The following SLC14A1 variants were observed in gnomAD, a reference collection of about 807,000 sequenced individuals.
SLC14A1 encodes the protein urea transporter 1.
SLC14A1 carries 36 observed loss-of-function variants against 39.6 expected under a neutral mutation model. That is an observed-to-expected ratio of 0.91 (90% CI 0.70 to 1.20). SLC14A1 has a LOEUF of 1.20. SLC14A1 is among the 50% of genes most tolerant of loss of function. The probability of loss-of-function intolerance (pLI) is 0.00; values close to 1 mark genes in which losing one functional copy is unlikely to be tolerated. For synonymous variants in SLC14A1, 164 were observed against 173.6 expected (o/e 0.94, Z 0.43); for missense variants, 469 against 478.7 (o/e 0.98, Z 0.19).
intron 5 of SLC14A1, among the ~76,000 whole-genome samples, chr18:45,735,250 T>C (rs1024312428): frequency 2.0e-5 from 3 of 152,194 alleles, no homozygotes; most frequent in Non-Finnish European, 4.4e-5. Context: ...ACTTGAGCAA[T>C]ATGAGAATCA....
chr18:45,732,668 C>A (rs1282633974), intron 4 of SLC14A1, among the ~76,000 whole-genome samples: 2 of 152,330 alleles, frequency 1.3e-5, no homozygotes, highest in Non-Finnish European at 2.9e-5. Flanking sequence ...GGCTATAGCA[C>A]CTCCTGCTCG....
chr18:45,749,466 C>T (rs192733270), intron 9 of SLC14A1, among the ~76,000 whole-genome samples: 1 of 152,188 alleles, frequency 6.6e-6, no homozygotes, highest in East Asian at 1.9e-4. Context: ...GGGCCATTTG[C>T]AGTTTGCAAG....
Position 45,749,825 on chromosome 18 carries a change from G to T in SLC14A1, c.1044G>T (p.Leu348Phe), listed in dbSNP as rs1245942269. The T allele has an allele frequency of 4.3e-6, 7 of 1,614,118 alleles. No individual in the cohort carries two copies. In the Admixed American group the frequency reaches 8.3e-5, roughly 19 times the overall value. Reference sequence around the variant, plus strand: ...GGCCCTTCTGTTTGGCCACGCTATTGTTCCTCATCATGACCACAAAAAATT... The same window carrying T: ...GGCCCTTCTGTTTGGCCACGCTATTTTTCCTCATCATGACCACAAAAAATT... ...CTWPFCLATL[L>F]FLIMTTKNSN... The change falls in exon 10 of 10, where the codon TTG becomes TTT. Residue 348 changes from leucine to phenylalanine, a missense_variant. Physicochemically the swap from Leu to Phe is conservative, Grantham distance 22. Coordinates refer to ENST00000321925, the MANE Select transcript of SLC14A1 (RefSeq NM_015865.7).
In SLC14A1 at chr18:45,739,623, G is replaced by C; in HGVS notation, c.907G>C (p.Ala303Pro). 1.2e-6 allele frequency: 2 copies of C among 1,614,184 alleles called. No homozygotes were observed. Among genetic ancestry groups the C allele is most frequent in the Non-Finnish European group, 8.5e-7 (1 of 1,180,026 alleles). Residue 303 changes from alanine (A) to proline (P), a missense_variant, in exon 8 of 10, where the codon GCG becomes CCG. Coordinates refer to ENST00000321925, the MANE Select transcript of SLC14A1 (RefSeq NM_015865.7). ...CATTGCAATGGGAGGAATGTTCATG[G>C]CGCTCACCTGGCAAACCCACCTCCT... ...ACIAMGGMFM[A>P]LTWQTHLLAL...
In SLC14A1 at chr18:45,734,309, C is replaced by A; in HGVS notation, c.377C>A (p.Ala126Asp). The A allele has an allele frequency of 6.2e-7, 1 of 1,613,994 alleles. No homozygotes were observed. Among genetic ancestry groups the A allele is most frequent in the Non-Finnish European group, 8.5e-7 (1 of 1,179,954 alleles). ...LIASGLYGYN[A>D]TLVGVLMAVF... ...GCATCTGGGCTCTATGGCTACAATG[C>A]CACCCTGGTGGGAGTACTCATGGCT... Residue 126 changes from alanine to aspartate, a missense_variant, in exon 5 of 10, where the codon GCC becomes GAC. By Grantham distance (126) the Ala-to-Asp change is moderately radical. Coordinates refer to ENST00000321925, the MANE Select transcript of SLC14A1 (RefSeq NM_015865.7).
At position 45,751,815 on chromosome 18, in the gene SLC14A1, T is replaced by A. The variant is rs1263063389; in HGVS notation, c.*1864T>A. On this transcript the variant is annotated 3_prime_UTR_variant, in exon 10 of 10. Coordinates refer to ENST00000321925, the MANE Select transcript of SLC14A1 (RefSeq NM_015865.7). ...TAATTAATTAATTAATTAATTAATT[T>A]AAAAAGGAAGTCATGTTCATTTACT... is the stretch of plus-strand genomic sequence containing the variant. The A allele has an allele frequency of 1.1e-6, 1 of 907,040 alleles. No homozygotes were observed. Among genetic ancestry groups the A allele is most frequent in the Non-Finnish European group, 1.3e-6 (1 of 767,300 alleles). 56.2% of individuals were successfully genotyped at this position (907,040 alleles called of 1,614,324 possible).
In SLC14A1 at chr18:45,752,316, AC is replaced by A; in HGVS notation, c.*2367del. Reference sequence around the variant, plus strand: ...GAGTCGATCTTCAGAACAGGGATCTACCATGCAGGAGCTTCTTGTGCTCACA... The same window carrying A: ...GAGTCGATCTTCAGAACAGGGATCTACATGCAGGAGCTTCTTGTGCTCACA... On this transcript the variant is annotated 3_prime_UTR_variant, in exon 10 of 10. Transcript: ENST00000321925. 1 of 797,000 alleles carries A rather than the reference AC, an allele frequency of 1.3e-6. No individual in the cohort carries two copies. The highest frequency in any genetic ancestry group is 1.5e-6 in the Non-Finnish European group (1 of 658,006). The allele number at this position is 797,000 out of a possible 1,614,324, so 49.4% of individuals were successfully genotyped here.
intron 2 of SLC14A1, among the ~76,000 whole-genome samples, chr18:45,728,133 T>C (rs1447504493): frequency 6.6e-6 from 1 of 152,174 alleles, no homozygotes; most frequent in Non-Finnish European, 1.5e-5. Context: ...GGCTGTCGAT[T>C]TGGAGAAAAC....
intron 8 of SLC14A1, among the ~76,000 whole-genome samples, chr18:45,742,335 G>A (rs909473677): frequency 7.0e-6 from 1 of 142,626 alleles, no homozygotes; most frequent in Non-Finnish European, 1.5e-5. Flanking sequence ...TGGGTTTTTT[G>A]TTGTTTTTTG....
chr18:45,748,347 T>G, intron 8 of SLC14A1, 29 bp from the exon 9 acceptor site: 6 of 1,613,222 alleles, frequency 3.7e-6, no homozygotes, highest in Non-Finnish European at 5.1e-6. Flanking sequence ...TACGAAGCAT[T>G]GTTCTTTCCC....
At chr18:45,735,899 G>A (rs970489120) in intron 5 of SLC14A1, among the ~76,000 whole-genome samples, 6 of 152,216 alleles carry the variant, frequency 3.9e-5, no homozygotes, top group Non-Finnish European at 8.8e-5. Context: ...CTGAGGCTAA[G>A]GAGATGCGCC....
chr18:45,744,856 G>T (rs2047498424), intron 8 of SLC14A1, among the ~76,000 whole-genome samples: 1 of 151,964 alleles, frequency 6.6e-6, no homozygotes, highest in Non-Finnish European at 1.5e-5. Context: ...TTTTCCTGAG[G>T]CCCTTCAGTT....
intron 8 of SLC14A1, among the ~76,000 whole-genome samples, chr18:45,746,557 G>A (rs868540122): frequency 1.3e-5 from 2 of 152,188 alleles, no homozygotes; most frequent in Admixed American, 6.5e-5. Flanking sequence ...CAGGGGTGGT[G>A]TTGTGGTAGA....
At position 45,727,322 on chromosome 18, in the gene SLC14A1, T is replaced by C. The variant is rs1382451943; in HGVS notation, c.-22+2309T>C. The C allele has an allele frequency of 4.5e-6, 7 of 1,551,572 alleles. No individual in the cohort carries two copies. The Admixed American group carries it at 9.8e-5, about 22-fold the overall frequency. On this transcript the variant is annotated intron_variant, in intron 2 of 9. Coordinates refer to ENST00000321925, the MANE Select transcript of SLC14A1 (RefSeq NM_015865.7). Reference sequence around the variant, plus strand: ...GCGCTGGTGACGCCCGTCATGGTCCTGTTTGGAAGGACCCTTTTGGAACTA... The same window carrying C: ...GCGCTGGTGACGCCCGTCATGGTCCCGTTTGGAAGGACCCTTTTGGAACTA...
At chr18:45,748,575 GC>G (rs2047619908) in intron 9 of SLC14A1, 150 bp downstream of exon 9, 1 of 814,036 alleles carries the variant, frequency 1.2e-6, no homozygotes, top group African/African-American at 1.7e-5. Flanking sequence ...GAGCTCCCTG[GC>G]CTTTCTTTCA....
Position 45,739,406 on chromosome 18 carries a change from G to A in SLC14A1, c.811+96G>A, listed in dbSNP as rs566365598. ...TGCTCCAGATCTTCCTTGAGATCTT[G>A]GCTTCCTAGGGACCAATGGGAGTTC... On this transcript the variant is annotated intron_variant, in intron 7 of 9. Transcript: ENST00000321925. 405 of 1,607,076 alleles carry A rather than the reference G, an allele frequency of 2.5e-4. 4 individuals carry two copies. In the South Asian group the frequency reaches 4.2e-3, roughly 17 times the overall value.
Position 45,736,438 on chromosome 18 carries a change from G to T in SLC14A1, c.471-18G>T, listed in dbSNP as rs199599296. The T allele has an allele frequency of 1.9e-6, 3 of 1,613,562 alleles. No individual in the cohort carries two copies. In the East Asian group the frequency reaches 6.7e-5, roughly 36 times the overall value. On this transcript the variant is annotated intron_variant, in intron 5 of 9. Transcript: ENST00000321925. ...TGCTTTGTCACATGCACATTCTTTT[G>T]CTCTGTTCTTTTTTTAGCCCAATTT...
At chr18:45,727,313 T>C in intron 2 of SLC14A1, 1 of 1,551,542 alleles carries the variant, frequency 6.4e-7, no homozygotes, top group Non-Finnish European at 8.7e-7. Flanking sequence ...GTGACGCCCG[T>C]CATGGTCCTG....
intron 5 of SLC14A1, among the ~76,000 whole-genome samples, chr18:45,735,914 C>T (rs1480802386): frequency 6.6e-6 from 1 of 152,186 alleles, no homozygotes; most frequent in African/African-American, 2.4e-5. Flanking sequence ...TGCGCCTTGC[C>T]TAGGTCATGC....
Sources: allele counts gnomAD v4.1 joint callset (sites outside exome capture counted in the v4.1 genomes callset), GRCh38; gene constraint gnomAD v4.1.1; transcripts MANE v1.5; gene names NCBI Gene and HGNC (gene_info 2026-07-23, HGNC 2026-07-21).